ANKS3: variants seen among roughly 807,000 people sequenced by gnomAD.
ANKS3 encodes the protein ankyrin repeat and SAM domain-containing protein 3.
In ANKS3, 62 loss-of-function variants were observed where a neutral mutation model predicts 80.7. The observed-to-expected ratio is 0.77, with a 90% CI of 0.63 to 0.95. The LOEUF (loss-of-function observed/expected upper bound fraction) is 0.95, where lower values mean the gene tolerates loss of function less well. Ranked by LOEUF, ANKS3 falls within the 40% of genes least tolerant of loss-of-function variation. The probability of loss-of-function intolerance (pLI) is 0.00; values close to 1 mark genes in which losing one functional copy is unlikely to be tolerated. For synonymous variants in ANKS3, 489 were observed against 355.3 expected, an observed-to-expected ratio of 1.38 and a Z score of -4.23; for missense variants, 1,150 against 883.6, an observed-to-expected ratio of 1.30 and a Z score of -3.82.
chr16:4,696,768 C>G lies in ANKS3; in HGVS notation c.*140G>C, dbSNP rs543600856. On this transcript the variant is annotated 3_prime_UTR_variant, in exon 18 of 18. Transcript: ENST00000304283. Reference sequence around the variant, plus strand: ...CAGCCCCCGTCTTGCCTCTGTCTGCCGGCTGCTCCCGGGGCCTGATCCTCT... The same window carrying G: ...CAGCCCCCGTCTTGCCTCTGTCTGCGGGCTGCTCCCGGGGCCTGATCCTCT... The G allele has an allele frequency of 9.0e-6, 5 of 558,618 alleles. No individual in the cohort carries two copies. The highest frequency in any genetic ancestry group is 3.1e-5 in the Admixed American group (1 of 32,172). 34.6% of individuals were successfully genotyped at this position (558,618 alleles called of 1,614,324 possible). A position where few individuals can be genotyped will look rare whatever the true frequency, so the allele number is the denominator to read the frequency against.
intron 9 of ANKS3, chr16:4,701,898 C>T (rs1331700676): frequency 2.2e-5 from 13 of 604,040 alleles, no homozygotes; most frequent in South Asian, 2.8e-5. Flanking sequence ...TGCTGTGGAA[C>T]GGCTCCCTTA....
chr16:4,726,025 G>C (rs1436437536), intron 5 of ANKS3, among the ~76,000 whole-genome samples: 5 of 148,278 alleles, frequency 3.4e-5, no homozygotes, highest in Non-Finnish European at 7.4e-5. Flanking sequence ...ACCCAGGCTG[G>C]AGTGCAGTGG....
intron 6 of ANKS3, among the ~76,000 whole-genome samples, chr16:4,717,004 G>A (rs1440460226): frequency 6.6e-6 from 1 of 152,066 alleles, no homozygotes; most frequent in Non-Finnish European, 1.5e-5. Context: ...GGCCGAGACG[G>A]GTGGATCACC....
chr16:4,719,020 T>C (rs560209969), intron 6 of ANKS3, among the ~76,000 whole-genome samples: 1 of 152,216 alleles, frequency 6.6e-6, no homozygotes, highest in East Asian at 1.9e-4. Flanking sequence ...AATGTTAACA[T>C]TTGGGGAATG....
chr16:4,711,556 T>G (rs2080484659), intron 7 of ANKS3, among the ~76,000 whole-genome samples: 1 of 151,522 alleles, frequency 6.6e-6, no homozygotes, highest in Non-Finnish European at 1.5e-5. Context: ...CTGTCTCTAC[T>G]AAAAACATAA....
chr16:4,698,063 C>T lies in ANKS3; in HGVS notation c.1725-1G>A. 6.2e-7 allele frequency: 1 copy of T among 1,605,510 alleles called. No individual in the cohort carries two copies. The highest frequency in any genetic ancestry group is 8.5e-7 in the Non-Finnish European group (1 of 1,176,834). On this transcript the variant is annotated splice_acceptor_variant, in intron 14 of 17. Transcript: ENST00000304283. LOFTEE classifies it high-confidence loss of function. ...AGATGACAGCTCAGCTTGACAGGCT[C>T]TGCCAGACACAGAAACAAATATTGG...
intron 6 of ANKS3, among the ~76,000 whole-genome samples, chr16:4,715,440 T>TA (rs1339668004): frequency 1.3e-5 from 2 of 151,934 alleles, no homozygotes; most frequent in African/African-American, 4.8e-5. Context: ...GCATCTTTAA[T>TA]AAAAAATTAG....
intron 16 of ANKS3, 72 bp downstream of exon 16, chr16:4,697,261 C>A: frequency 6.4e-7 from 1 of 1,551,402 alleles, no homozygotes; most frequent in Middle Eastern, 1.7e-4. Flanking sequence ...ACCCGCTTTC[C>A]CTGGAAAGGG....
chr16:4,731,572 C>T lies in ANKS3; in HGVS notation c.-63G>A. On this transcript the variant is annotated 5_prime_UTR_variant, in exon 2 of 18. Coordinates refer to ENST00000304283, the MANE Select transcript of ANKS3 (RefSeq NM_133450.4). ...CTGGAAATATAGGCGTGAGCCACTGCACCTGGCCTGTAAATTTTAAATATA... is the reference window on the plus strand; with the variant it reads ...CTGGAAATATAGGCGTGAGCCACTGTACCTGGCCTGTAAATTTTAAATATA... 4.4e-6 allele frequency: 4 copies of T among 915,520 alleles called. No homozygotes were observed. The highest frequency in any genetic ancestry group is 5.2e-6 in the Non-Finnish European group (4 of 766,090). The allele number at this position is 915,520 out of a possible 1,614,324, so 56.7% of individuals were successfully genotyped here. A position where few individuals can be genotyped will look rare whatever the true frequency, so the allele number is the denominator to read the frequency against.
In ANKS3 at chr16:4,714,071, T is replaced by G; in HGVS notation, c.689A>C (p.Lys230Thr). 6.2e-7 allele frequency: 1 copy of G among 1,614,168 alleles called. No individual in the cohort carries two copies. Among genetic ancestry groups the G allele is most frequent in the Admixed American group, 1.7e-5 (1 of 60,024 alleles). Residue 230 changes from lysine (K) to threonine (T), a missense_variant, in exon 7 of 18, where the codon AAG becomes ACG. By Grantham distance (78) the Lys-to-Thr change is moderately conservative (BLOSUM62 -1). Transcript: ENST00000304283. ...GGTACCTGGGCTCCGATAGAGGCTC[T>G]TGGGCAGAGAGGGCGAGTAAGTGTC... ...LMDTYSPSLP[K>T]SLYRSPEKYE... is the part of the protein sequence containing the mutation.
chr16:4,700,165 C>T (rs2079820813), intron 11 of ANKS3: 2 of 152,858 alleles, frequency 1.3e-5, no homozygotes, highest in South Asian at 4.1e-4. Context: ...CGCCTGTAAT[C>T]CCAGCACTTT....
chr16:4,713,919 G>A (rs2080632731), intron 7 of ANKS3, 132 bp downstream of exon 7: 35 of 1,277,338 alleles, frequency 2.7e-5, no homozygotes, highest in Non-Finnish European at 3.5e-5. Context: ...CATGTAAGCA[G>A]CTGGGGGAGG....
At chr16:4,699,628 A>G (rs1255100966) in intron 11 of ANKS3, 1 of 188,980 alleles carries the variant, frequency 5.3e-6, no homozygotes, top group Non-Finnish European at 1.1e-5. Flanking sequence ...TTTCTGATCC[A>G]CTGAGATGGT....
chr16:4,701,790 G>A (rs2079921883), intron 9 of ANKS3: 1 of 507,338 alleles, frequency 2.0e-6, no homozygotes, highest in Non-Finnish European at 3.5e-6. Context: ...TGGGCACTAT[G>A]GAAACAGCTG....
chr16:4,721,001 TAAAAAAA>T lies in ANKS3; in HGVS notation c.573+3742_573+3748del, dbSNP rs1403888785. ...CCCTACAGGGAATACCATGCCACCA[TAAAAAAA>T]AAAAAAAAAAAGAGAGGCCAGGCAC... On this transcript the variant is annotated intron_variant, in intron 6 of 17. Coordinates refer to ENST00000304283, the MANE Select transcript of ANKS3 (RefSeq NM_133450.4). 1.0e-4 allele frequency among the ~76,000 whole-genome samples: 7 copies of T among 68,518 alleles called. 1 individual carries two copies. Among genetic ancestry groups the T allele is most frequent in the Non-Finnish European group, 2.1e-4 (7 of 33,472 alleles). 45.0% of individuals were successfully genotyped at this position (68,518 alleles called of 152,430 possible).
At position 4,701,095 on chromosome 16, in the gene ANKS3, C is replaced by T. The variant is rs750485043; in HGVS notation, c.1159G>A (p.Ala387Thr). The change falls in exon 11 of 18, where the codon GCT becomes ACT. Residue 387 changes from alanine (A) to threonine (T), a missense_variant. Ala to Thr is a moderately conservative substitution (Grantham distance 58). Transcript: ENST00000304283. Reference sequence around the variant, plus strand: ...TTCTTGGTCTTCATGTAACTTTTAGCTTGTTTGCGAGCTGAGCTTTTACAG... The same window carrying T: ...TTCTTGGTCTTCATGTAACTTTTAGTTTGTTTGCGAGCTGAGCTTTTACAG... ...HACKSSARKQ[A>T]KSYMKTKNPD... 1.2e-6 allele frequency: 2 copies of T among 1,614,050 alleles called. No individual in the cohort carries two copies. Among genetic ancestry groups the T allele is most frequent in the Non-Finnish European group, 1.7e-6 (2 of 1,180,042 alleles).
At chr16:4,705,752 G>T (rs936805498) in intron 7 of ANKS3, among the ~76,000 whole-genome samples, 1 of 151,856 alleles carries the variant, frequency 6.6e-6, no homozygotes, top group Non-Finnish European at 1.5e-5. Flanking sequence ...GAGCCACCAT[G>T]CCCAGCCAGG....
At position 4,730,108 on chromosome 16, in the gene ANKS3, C is replaced by G. The variant is rs140964348; in HGVS notation, c.42G>C (p.Leu14=). 3.6e-3 allele frequency: 5,802 copies of G among 1,592,248 alleles called. 28 individuals are homozygous for G. Among genetic ancestry groups the G allele is most frequent in the Non-Finnish European group, 4.4e-3 (5,137 of 1,166,968 alleles). The change falls in exon 3 of 18, where the codon CTG becomes CTC. Residue 14 remains leucine, a synonymous_variant. Coordinates refer to ENST00000304283, the MANE Select transcript of ANKS3 (RefSeq NM_133450.4). Reference sequence around the variant, plus strand: ...CGTGCCACATGGACAAGCTGCGGTTCAGGAGTTCCGGCTCGCTGGCTTCAT... The same window carrying G: ...CGTGCCACATGGACAAGCTGCGGTTGAGGAGTTCCGGCTCGCTGGCTTCAT... The part of the protein sequence containing the change: ...LSDEASEPEL[L]NRSLSMWHGL...
Position 4,726,706 on chromosome 16 carries a change from C to G in ANKS3, c.444G>C (p.Gln148His). The G allele has an allele frequency of 6.2e-7, 1 of 1,614,262 alleles. No homozygotes were observed. Among genetic ancestry groups the G allele is most frequent in the African/African-American group, 1.3e-5 (1 of 75,078 alleles). The change falls in exon 5 of 18, where the codon CAG (glutamine) becomes CAC (histidine). Residue 148 changes from glutamine to histidine, a missense_variant. Transcript: ENST00000304283. The stretch of plus-strand genomic sequence containing the variant: ...TGTCCAAGAGGAACCTGACCATGTG[C>G]TGGTGCCCGGCGCTGGTACAGTGGA... Reference protein sequence around the residue: ...ALFHCTSAGHQHMVRFLLDSG... With the variant: ...ALFHCTSAGHHHMVRFLLDSG...
Sources: gnomAD v4.1 joint callset for allele counts (sites outside exome capture counted in the v4.1 genomes callset) on GRCh38, gnomAD v4.1.1 for gene constraint, MANE v1.5 for transcripts, NCBI Gene and HGNC (gene_info 2026-07-23, HGNC 2026-07-21) for gene names.